Variants in TMEM163 observed in about 807,000 individuals in gnomAD.
The protein encoded by TMEM163 is transmembrane protein 163.
A neutral mutation model predicts 29.3 loss-of-function variants in TMEM163; 17 were observed. The observed-to-expected ratio is 0.58, with a 90% CI of 0.40 to 0.87. The LOEUF (loss-of-function observed/expected upper bound fraction) is 0.87. Ranked by LOEUF, TMEM163 falls within the 40% of genes least tolerant of loss-of-function variation. The pLI is 0.00. For missense variants in TMEM163, 303 were observed against 381.5 expected, an observed-to-expected ratio of 0.79 and a Z score of 1.71; for synonymous variants, 157 against 160.6, an observed-to-expected ratio of 0.98 and a Z score of 0.17.
intron 5 of TMEM163, among the ~76,000 whole-genome samples, chr2:134,502,068 T>C (rs77823997): frequency 0.023 from 3,439 of 152,218 alleles, 96 homozygotes; most frequent in East Asian, 0.15. Flanking sequence ...CACACATACA[T>C]GCAATACATC....
chr2:134,636,439 C>A (rs780181276), intron 2 of TMEM163, among the ~76,000 whole-genome samples: 2 of 152,208 alleles, frequency 1.3e-5, no homozygotes, highest in Non-Finnish European at 2.9e-5. Context: ...TAATTATCAT[C>A]GAAACCGCCA....
chr2:134,676,547 A>AATGGT (rs1254099469), intron 2 of TMEM163, among the ~76,000 whole-genome samples: 1 of 152,192 alleles, frequency 6.6e-6, no homozygotes, highest in Non-Finnish European at 1.5e-5. Flanking sequence ...TGTACAATTC[A>AATGGT]ATGGTTTTTA....
chr2:134,668,088 G>A (rs1339139614), intron 2 of TMEM163, among the ~76,000 whole-genome samples: 2 of 151,992 alleles, frequency 1.3e-5, no homozygotes, highest in African/African-American at 4.8e-5. Flanking sequence ...ATGGGGCCAG[G>A]GACCAAAACC....
At chr2:134,539,529 C>T (rs540066437) in intron 4 of TMEM163, among the ~76,000 whole-genome samples, 1 of 152,112 alleles carries the variant, frequency 6.6e-6, no homozygotes, top group Admixed American at 6.5e-5. Flanking sequence ...TCCCCCTGTA[C>T]CCCACTAAAG....
In TMEM163 at chr2:134,700,017, A is replaced by T. The variant is rs73958793; in HGVS notation, c.322+13183T>A. Among the ~76,000 whole-genome samples, 587 of 152,148 alleles carry T rather than the reference A, an allele frequency of 3.9e-3. 1 individual carries two copies. Among genetic ancestry groups the T allele is most frequent in the African/African-American group, 0.013 (551 of 41,498 alleles). On this transcript the variant is annotated intron_variant, in intron 2 of 7. Coordinates refer to ENST00000281924, the MANE Select transcript of TMEM163 (RefSeq NM_030923.5). ...GTCTTACGTTTTAAATTTGTCTCCT[A>T]TTAACAGCATACAGCTTGATTTTTT...
At chr2:134,503,792 G>A (rs149681621) in intron 4 of TMEM163, among the ~76,000 whole-genome samples, 177 of 152,264 alleles carry the variant, frequency 1.2e-3, no homozygotes, top group African/African-American at 4.0e-3. Context: ...GTGTGGCATG[G>A]GGACTGGCAA....
At chr2:134,608,558 C>T (rs1466771720) in intron 2 of TMEM163, among the ~76,000 whole-genome samples, 2 of 38,776 alleles carry the variant, frequency 5.2e-5, no homozygotes. Context: ...AGGACAGACC[C>T]CGAGAACTGT....
At chr2:134,622,266 A>G (rs1188970406) in intron 2 of TMEM163, among the ~76,000 whole-genome samples, 5 of 152,206 alleles carry the variant, frequency 3.3e-5, no homozygotes, top group African/African-American at 1.2e-4. Context: ...CAACTGGCAA[A>G]TTTATAATAT....
At chr2:134,655,165 A>G (rs372081081) in intron 2 of TMEM163, among the ~76,000 whole-genome samples, 3 of 140,168 alleles carry the variant, frequency 2.1e-5, no homozygotes, top group African/African-American at 8.9e-5. Flanking sequence ...TTCCATTCTC[A>G]CCATCACTTT....
At chr2:134,641,742 A>T (rs1386958144) in intron 2 of TMEM163, among the ~76,000 whole-genome samples, 1 of 152,238 alleles carries the variant, frequency 6.6e-6, no homozygotes, top group African/African-American at 2.4e-5. Flanking sequence ...ATCAATAATT[A>T]TATTAAATAT....
At chr2:134,683,965 C>G (rs1339192576) in intron 2 of TMEM163, among the ~76,000 whole-genome samples, 1 of 152,126 alleles carries the variant, frequency 6.6e-6, no homozygotes, top group East Asian at 1.9e-4. Context: ...CTGGTCAATT[C>G]AAAGCAGTAA....
chr2:134,661,313 G>C (rs988709292), intron 2 of TMEM163, among the ~76,000 whole-genome samples: 1 of 152,136 alleles, frequency 6.6e-6, no homozygotes, highest in African/African-American at 2.4e-5. Context: ...ATAAATTTCT[G>C]TTCTTTATAA....
intron 2 of TMEM163, among the ~76,000 whole-genome samples, chr2:134,685,107 A>C (rs551032989): frequency 1.6e-4 from 25 of 152,260 alleles, no homozygotes; most frequent in African/African-American, 6.0e-4. Flanking sequence ...TTGGGTGCTG[A>C]GTTGACAAGG....
At chr2:134,646,087 A>T (rs1469222110) in intron 2 of TMEM163, among the ~76,000 whole-genome samples, 3 of 151,246 alleles carry the variant, frequency 2.0e-5, no homozygotes, top group Non-Finnish European at 4.4e-5. Flanking sequence ...AACTTGCGGA[A>T]TGGCTTTTTT....
At chr2:134,494,926 T>TGCCG (rs1392150318) in intron 5 of TMEM163, among the ~76,000 whole-genome samples, 1 of 152,208 alleles carries the variant, frequency 6.6e-6, no homozygotes, top group Non-Finnish European at 1.5e-5. Flanking sequence ...GCAGACACGC[T>TGCCG]GACTGCATGG....
At chr2:134,587,941 C>T (rs1281713612) in intron 2 of TMEM163, among the ~76,000 whole-genome samples, 1 of 152,226 alleles carries the variant, frequency 6.6e-6, no homozygotes, top group African/African-American at 2.4e-5. Context: ...CAGGCAGTTA[C>T]AACCTCTCTA....
intron 2 of TMEM163, among the ~76,000 whole-genome samples, chr2:134,672,176 T>C (rs1417592309): frequency 1.3e-5 from 2 of 152,302 alleles, no homozygotes; most frequent in Admixed American, 1.3e-4. Flanking sequence ...CTGCCCATTT[T>C]AAGGGTTTAG....
intron 2 of TMEM163, among the ~76,000 whole-genome samples, chr2:134,642,156 G>A (rs1380898014): frequency 2.0e-5 from 3 of 151,192 alleles, no homozygotes; most frequent in Non-Finnish European, 4.4e-5. Flanking sequence ...ATGGAGTCTT[G>A]CTCTGTCGCC....
intron 5 of TMEM163, among the ~76,000 whole-genome samples, chr2:134,482,582 A>T (rs1375533130): frequency 6.6e-6 from 1 of 152,164 alleles, no homozygotes; most frequent in African/African-American, 2.4e-5. Context: ...ATGAATATTG[A>T]TTTATGGCCC....
Sources: allele counts gnomAD v4.1 joint callset (sites outside exome capture counted in the v4.1 genomes callset), GRCh38; gene constraint gnomAD v4.1.1; transcripts MANE v1.5; gene names NCBI Gene and HGNC (gene_info 2026-07-23, HGNC 2026-07-21).